RALGAPB: variants seen among roughly 807,000 people sequenced by gnomAD.
RALGAPB encodes Ral GTPase activating protein non-catalytic subunit beta, also known as ral GTPase-activating protein subunit beta.
In RALGAPB, 25 loss-of-function variants were observed where a neutral mutation model predicts 161.1. The observed-to-expected ratio is 0.16, with a 90% CI of 0.11 to 0.22. The LOEUF (loss-of-function observed/expected upper bound fraction) is 0.22, where lower values mean the gene tolerates loss of function less well. RALGAPB is among the 10% of genes least tolerant of loss of function. RALGAPB has a pLI of 1.00. For synonymous variants in RALGAPB, 629 were observed against 626.1 expected, an observed-to-expected ratio of 1.00 and a Z score of -0.07; for missense variants, 1,391 against 1,815.2, an observed-to-expected ratio of 0.77 and a Z score of 4.25.
At position 38,539,929 on chromosome 20, in the gene RALGAPB, A is replaced by G. The variant is rs1421872071; in HGVS notation, c.2533A>G (p.Thr845Ala). 1.9e-6 allele frequency: 3 copies of G among 1,613,916 alleles called. No homozygotes were observed. In the Admixed American group the frequency reaches 5.0e-5, roughly 27 times the overall value. ...TTTTCAGTGTCTCTGTGTCTGGCTG[A>G]CAGAGCACCCTGATATGCTTGATGA... ...AAFQCLCVWLTEHPDMLDEKD... is the reference protein window; with the variant it reads ...AAFQCLCVWLAEHPDMLDEKD... Residue 845 changes from threonine (T) to alanine (A), a missense_variant, in exon 17 of 30, where the codon ACA (threonine) becomes GCA (alanine). Around this residue, in one of 3 missense-constraint regions of RALGAPB, gnomAD observed 946 missense variants for 1,257.2 expected, o/e 0.75. Coordinates refer to ENST00000262879, the MANE Select transcript of RALGAPB (RefSeq NM_020336.4).
At chr20:38,507,064 A>G (rs2085783823) in intron 5 of RALGAPB, among the ~76,000 whole-genome samples, 1 of 152,218 alleles carries the variant, frequency 6.6e-6, no homozygotes, top group Admixed American at 6.5e-5. Flanking sequence ...TATCTTGATT[A>G]TAATCACAGT....
At chr20:38,550,825 G>A (rs150872221) in intron 20 of RALGAPB, among the ~76,000 whole-genome samples, 29 of 152,244 alleles carry the variant, frequency 1.9e-4, no homozygotes, top group Non-Finnish European at 2.6e-4. Context: ...AGCAGTAGAG[G>A]TCCACAGCCC....
chr20:38,500,299 G>A (rs942218739), intron 5 of RALGAPB, among the ~76,000 whole-genome samples: 18 of 151,596 alleles, frequency 1.2e-4, no homozygotes, highest in Admixed American at 6.6e-5. Flanking sequence ...CGAGTCTGTC[G>A]GGTGCCATTT....
At chr20:38,483,916 C>G (rs1047597186) in intron 1 of RALGAPB, among the ~76,000 whole-genome samples, 3 of 152,060 alleles carry the variant, frequency 2.0e-5, no homozygotes, top group Admixed American at 6.6e-5. Context: ...GCTGGGCAGG[C>G]GCAGTGGCTC....
At chr20:38,570,882 C>A in intron 28 of RALGAPB, 35 bp downstream of exon 28, 2 of 1,345,304 alleles carry the variant, frequency 1.5e-6, no homozygotes, top group South Asian at 2.5e-5. Flanking sequence ...ATCAGCGTGT[C>A]TTTTTTTAAC....
chr20:38,576,780 G>A lies in RALGAPB; in HGVS notation c.*1813G>A, dbSNP rs1199134677. The A allele has an allele frequency of 6.6e-6, 1 of 152,586 alleles. No homozygotes were observed. The highest frequency in any genetic ancestry group is 2.4e-5 in the African/African-American group (1 of 41,434). The allele number at this position is 152,586 out of a possible 1,614,324, so 9.5% of individuals were successfully genotyped here. A position where few individuals can be genotyped will look rare whatever the true frequency, so the allele number is the denominator to read the frequency against. On this transcript the variant is annotated 3_prime_UTR_variant, in exon 30 of 30. Coordinates refer to ENST00000262879, the MANE Select transcript of RALGAPB (RefSeq NM_020336.4). ...GATTGACATTTTGAGGGGAAAATGG[G>A]CTCTTGTTCTAGTTGAAGTGAGCAG...
chr20:38,574,364 A>C, intron 29 of RALGAPB, 66 bp downstream of exon 29: 1 of 1,480,016 alleles, frequency 6.8e-7, no homozygotes, highest in East Asian at 2.3e-5. Context: ...ATAAACCAAA[A>C]AGAAGTAAAA....
At chr20:38,571,565 C>A (rs2088241092) in intron 28 of RALGAPB, among the ~76,000 whole-genome samples, 1 of 152,176 alleles carries the variant, frequency 6.6e-6, no homozygotes, top group Admixed American at 6.5e-5. Context: ...AATAATATTT[C>A]ATTGTATGTG....
At chr20:38,478,962 G>T (rs1370424502) in intron 1 of RALGAPB, among the ~76,000 whole-genome samples, 1 of 152,168 alleles carries the variant, frequency 6.6e-6, no homozygotes, top group African/African-American at 2.4e-5. Context: ...TATTGGCCAG[G>T]TTGGTCTCAA....
In RALGAPB at chr20:38,514,045, T is replaced by C. The variant is rs182828468; in HGVS notation, c.873-2147T>C. Among the ~76,000 whole-genome samples, 8 of 152,304 alleles carry C rather than the reference T, an allele frequency of 5.3e-5. No homozygotes were observed. In the South Asian group the frequency reaches 8.3e-4, roughly 16 times the overall value. ...TTTCTTCTTGAGCTGACTGTGGTAC[T>C]TTAGTCAGAGTTATTTTGGATGGCA... On this transcript the variant is annotated intron_variant, in intron 6 of 29. Coordinates refer to ENST00000262879, the MANE Select transcript of RALGAPB (RefSeq NM_020336.4).
rs1285723451 is a variant in RALGAPB at position 38,558,431 on chromosome 20, C to A, written c.3509C>A (p.Pro1170Gln). The change falls in exon 23 of 30, where the codon CCA (proline) becomes CAA (glutamine). Residue 1170 changes from proline to glutamine, a missense_variant. This residue lies in a region of RALGAPB where 436 missense variants were observed against 527.0 expected (regional missense o/e 0.83). Transcript: ENST00000262879. ...ACAGTTTTTATTTTCTATATGAAGC[C>A]AGGTCAGAAAACGAACCAAGAGGTA... ...FDTVFIFYMK[P>Q]GQKTNQEILK... The A allele has an allele frequency of 1.9e-6, 3 of 1,593,256 alleles. No homozygotes were observed. The highest frequency in any genetic ancestry group is 2.6e-6 in the Non-Finnish European group (3 of 1,169,592).
At position 38,517,972 on chromosome 20, in the gene RALGAPB, T is replaced by C. The variant is rs1044174639; in HGVS notation, c.1389T>C (p.Asn463=). The C allele has an allele frequency of 5.0e-6, 8 of 1,611,454 alleles. No individual in the cohort carries two copies. In the African/African-American group the frequency reaches 6.7e-5, roughly 13 times the overall value. ...DAAFVHCKLH[N]GINRDSSMTA... The stretch of plus-strand genomic sequence containing the variant: ...CATTTGTTCACTGTAAACTTCATAA[T>C]GGGATAAACAGAGACAGCAGCATGA... The change falls in exon 9 of 30, where the codon AAT becomes AAC. Residue 463 remains asparagine, a synonymous_variant. Coordinates refer to ENST00000262879, the MANE Select transcript of RALGAPB (RefSeq NM_020336.4).
chr20:38,488,337 G>A, intron 1 of RALGAPB, 66 bp from the exon 2 acceptor site: 1 of 1,077,708 alleles, frequency 9.3e-7, no homozygotes, highest in Non-Finnish European at 1.4e-6. Flanking sequence ...CTATACATCT[G>A]TTTTATTTAT....
intron 21 of RALGAPB, among the ~76,000 whole-genome samples, chr20:38,552,811 T>A (rs2087425006): frequency 6.6e-6 from 1 of 152,186 alleles, no homozygotes; most frequent in African/African-American, 2.4e-5. Flanking sequence ...GTGAAGTTAT[T>A]TAACTCACTC....
intron 9 of RALGAPB, among the ~76,000 whole-genome samples, chr20:38,521,096 T>C (rs1054212528): frequency 6.6e-6 from 1 of 152,326 alleles, no homozygotes. Context: ...TGGGGTAATG[T>C]GTAAATTGCA....
intron 23 of RALGAPB, among the ~76,000 whole-genome samples, chr20:38,562,311 A>G (rs774016283): frequency 1.6e-4 from 25 of 152,182 alleles, no homozygotes; most frequent in South Asian, 6.2e-4. Context: ...GGATTAAGAA[A>G]CTGAGGCAGT....
intron 6 of RALGAPB, among the ~76,000 whole-genome samples, chr20:38,512,104 T>C (rs2085979240): frequency 6.6e-6 from 1 of 152,260 alleles, no homozygotes; most frequent in Non-Finnish European, 1.5e-5. Context: ...CCATTATTTC[T>C]AGGTATTTGT....
intron 23 of RALGAPB, among the ~76,000 whole-genome samples, chr20:38,560,790 A>G (rs1299056059): frequency 6.6e-6 from 1 of 152,174 alleles, no homozygotes; most frequent in Non-Finnish European, 1.5e-5. Flanking sequence ...AATGTCTAAG[A>G]CCTGCCTTCC....
intron 13 of RALGAPB, among the ~76,000 whole-genome samples, chr20:38,528,785 A>G (rs1385582789): frequency 1.3e-5 from 2 of 151,916 alleles, no homozygotes; most frequent in Admixed American, 6.6e-5. Context: ...GGTTCAAGCA[A>G]TTCTTCCACC....
Sources: gnomAD v4.1 joint callset for allele counts (sites outside exome capture counted in the v4.1 genomes callset) on GRCh38, gnomAD v4.1.1 for gene constraint, gnomAD v4.1.1 regional missense constraint, MANE v1.5 for transcripts, NCBI Gene and HGNC (gene_info 2026-07-23, HGNC 2026-07-21) for gene names.